Variants in PRELID2 observed in about 807,000 individuals in gnomAD.
PRELID2 encodes the protein PRELI domain containing 2.
In PRELID2, 25 loss-of-function variants were observed where a neutral mutation model predicts 28.4. The observed-to-expected ratio is 0.88, with a 90% CI of 0.64 to 1.23. The LOEUF is 1.23. PRELID2 is among the 50% of genes most tolerant of loss of function. The probability of loss-of-function intolerance (pLI) is 0.00; values close to 1 mark genes in which losing one functional copy is unlikely to be tolerated. For synonymous variants in PRELID2, 76 were observed against 71.6 expected, an observed-to-expected ratio of 1.06 and a Z score of -0.31; for missense variants, 201 against 214.4, an observed-to-expected ratio of 0.94 and a Z score of 0.39.
At chr5:145,264,653 C>G in the PRELID2 span, among the ~76,000 whole-genome samples, 3 of 151,860 alleles carry the variant, frequency 2.0e-5, no homozygotes, top group East Asian at 5.8e-4. Context: ...AACTATCAGA[C>G]AAGAGAGAGA....
the PRELID2 span, among the ~76,000 whole-genome samples, chr5:145,275,761 G>A: frequency 3.7e-4 from 56 of 152,082 alleles, no homozygotes; most frequent in African/African-American, 1.1e-3. Context: ...AGGCTATTTA[G>A]TCCAATGGTT....
chr5:145,493,878 A>G (rs1374125479), intron 1 of PRELID2, among the ~76,000 whole-genome samples: 1 of 152,148 alleles, frequency 6.6e-6, no homozygotes, highest in African/African-American at 2.4e-5. Context: ...TATATTTTTA[A>G]ATGACTCTTA....
chr5:145,511,511 T>G (rs1255827154), intron 1 of PRELID2, among the ~76,000 whole-genome samples: 1 of 152,222 alleles, frequency 6.6e-6, no homozygotes, highest in African/African-American at 2.4e-5. Context: ...GACAGTGAAT[T>G]CCACAAGTGG....
At chr5:145,407,824 G>C in the PRELID2 span, among the ~76,000 whole-genome samples, 2 of 152,218 alleles carry the variant, frequency 1.3e-5, no homozygotes, top group African/African-American at 4.8e-5. Context: ...CAACTTCACT[G>C]CTACCCTAAC....
the PRELID2 span, among the ~76,000 whole-genome samples, chr5:145,349,605 C>T: frequency 1.4e-3 from 215 of 152,220 alleles, 1 homozygote; most frequent in East Asian, 0.019. Flanking sequence ...TCCCACTCCA[C>T]ATATACAACC....
intron 5 of PRELID2, among the ~76,000 whole-genome samples, chr5:145,781,959 A>G (rs1369915913): frequency 6.6e-6 from 1 of 152,010 alleles, no homozygotes; most frequent in Non-Finnish European, 1.5e-5. Context: ...TTTAGCACAA[A>G]AGAGTGAGAG....
At chr5:145,627,930 T>C (rs1753874501) in intron 1 of PRELID2, among the ~76,000 whole-genome samples, 3 of 152,230 alleles carry the variant, frequency 2.0e-5, no homozygotes, top group African/African-American at 4.8e-5. Context: ...ATGTCCTGGA[T>C]GTACAAATGG....
intron 1 of PRELID2, among the ~76,000 whole-genome samples, chr5:145,541,151 T>A (rs545212554): frequency 6.6e-6 from 1 of 152,036 alleles, no homozygotes; most frequent in South Asian, 2.1e-4. Flanking sequence ...AAGTTTTTTA[T>A]GCAAAATACA....
At chr5:145,800,354 T>C (rs1297054937) in intron 4 of PRELID2, among the ~76,000 whole-genome samples, 1 of 150,928 alleles carries the variant, frequency 6.6e-6, no homozygotes, top group Non-Finnish European at 1.5e-5. Flanking sequence ...CCATCCACTC[T>C]GACATAAATA....
intron 1 of PRELID2, among the ~76,000 whole-genome samples, chr5:145,614,348 C>T (rs1490370477): frequency 6.6e-6 from 1 of 152,120 alleles, no homozygotes; most frequent in Non-Finnish European, 1.5e-5. Context: ...TTTTCTAATT[C>T]TATGAAGAGT....
At chr5:145,535,264 A>G (rs1444932832) in intron 1 of PRELID2, among the ~76,000 whole-genome samples, 1 of 151,738 alleles carries the variant, frequency 6.6e-6, no homozygotes, top group Non-Finnish European at 1.5e-5. Flanking sequence ...GAATTTTTGG[A>G]GATTATGTCC....
At chr5:145,567,923 T>A (rs1752981477) in intron 1 of PRELID2, among the ~76,000 whole-genome samples, 1 of 152,174 alleles carries the variant, frequency 6.6e-6, no homozygotes. Flanking sequence ...GTTGGATAAA[T>A]AAAATGCTAT....
At chr5:145,436,833 A>T in the PRELID2 span, among the ~76,000 whole-genome samples, 16 of 152,004 alleles carry the variant, frequency 1.1e-4, no homozygotes, top group Non-Finnish European at 1.6e-4. Flanking sequence ...ACTCTTCTCT[A>T]CTAACTTCCT....
At chr5:145,442,457 T>C in the PRELID2 span, among the ~76,000 whole-genome samples, 1 of 152,004 alleles carries the variant, frequency 6.6e-6, no homozygotes, top group Admixed American at 6.6e-5. Flanking sequence ...GGGCTCTCTC[T>C]TTGTTCCCAG....
the PRELID2 span, among the ~76,000 whole-genome samples, chr5:145,413,598 T>G: frequency 7.0e-6 from 1 of 142,650 alleles, no homozygotes; most frequent in African/African-American, 2.7e-5. Flanking sequence ...AACCAACAAG[T>G]GGATGAAGAA....
chr5:145,570,030 T>A (rs774653120), intron 1 of PRELID2, among the ~76,000 whole-genome samples: 4 of 152,308 alleles, frequency 2.6e-5, no homozygotes, highest in Non-Finnish European at 5.9e-5. Flanking sequence ...GGCTATCACA[T>A]GCCTCTCTCC....
At chr5:145,741,000 T>C (rs111217650) in intron 1 of PRELID2, among the ~76,000 whole-genome samples, 1 of 115,610 alleles carries the variant, frequency 8.6e-6, no homozygotes, top group Non-Finnish European at 1.6e-5. Flanking sequence ...AAAATATATA[T>C]TATATATTTG....
chr5:145,738,887 A>T (rs1756571204), intron 1 of PRELID2, among the ~76,000 whole-genome samples: 1 of 152,190 alleles, frequency 6.6e-6, no homozygotes, highest in Admixed American at 6.5e-5. Flanking sequence ...AAAACACATC[A>T]TAGTCAAACT....
chr5:145,691,346 G>A (rs1364282230), intron 1 of PRELID2, among the ~76,000 whole-genome samples: 1 of 152,190 alleles, frequency 6.6e-6, no homozygotes, highest in Non-Finnish European at 1.5e-5. Flanking sequence ...ATGAGAAGTA[G>A]AGCCAAGGCT....
Sources: allele counts gnomAD v4.1 joint callset (sites outside exome capture counted in the v4.1 genomes callset), GRCh38; gene constraint gnomAD v4.1.1; transcripts MANE v1.5; gene names NCBI Gene and HGNC (gene_info 2026-07-23, HGNC 2026-07-21).